LRP1B: variants seen among roughly 807,000 people sequenced by gnomAD.
LRP1B encodes the protein LDL receptor related protein 1B, also known as low-density lipoprotein receptor-related protein 1B.
A neutral mutation model predicts 556.6 loss-of-function variants in LRP1B; 217 were observed. The observed-to-expected ratio is 0.39, with a 90% CI of 0.35 to 0.44. The LOEUF (loss-of-function observed/expected upper bound fraction) is 0.44. LRP1B is among the 20% of genes least tolerant of loss of function. The pLI, the probability that LRP1B is intolerant of heterozygous loss-of-function variation, is 1.00. For synonymous variants in LRP1B, 2,047 were observed against 1,865.8 expected (o/e 1.10, Z -2.50); for missense variants, 5,053 against 5,620.8 (o/e 0.90, Z 3.23).
chr2:141,796,756 T>A (rs1473395980), intron 2 of LRP1B, among the ~76,000 whole-genome samples: 1 of 151,954 alleles, frequency 6.6e-6, no homozygotes, highest in African/African-American at 2.4e-5. Context: ...TAAAGCAGAT[T>A]CAAATATTTT....
chr2:140,960,501 A>T (rs1696002938), intron 18 of LRP1B, among the ~76,000 whole-genome samples: 1 of 151,782 alleles, frequency 6.6e-6, no homozygotes. Flanking sequence ...TAAAACTAGC[A>T]CATTTTAAAA....
intron 15 of LRP1B, among the ~76,000 whole-genome samples, chr2:140,999,299 C>A (rs1697343185): frequency 6.6e-6 from 1 of 152,004 alleles, no homozygotes; most frequent in South Asian, 2.1e-4. Flanking sequence ...CAAATAAGCA[C>A]TTATTTGTGT....
At chr2:142,103,582 T>C (rs1283321497) in intron 1 of LRP1B, among the ~76,000 whole-genome samples, 2 of 152,022 alleles carry the variant, frequency 1.3e-5, no homozygotes, top group Admixed American at 1.3e-4. Flanking sequence ...TAGTCACTTG[T>C]AATGTACAAA....
intron 66 of LRP1B, among the ~76,000 whole-genome samples, chr2:140,387,221 G>C (rs189383618): frequency 6.6e-6 from 1 of 152,216 alleles, no homozygotes; most frequent in African/African-American, 2.4e-5. Flanking sequence ...GAGTGGGTAG[G>C]TTATTGGTGG....
chr2:141,078,024 C>CT lies in LRP1B; in HGVS notation c.1014-15752dup, dbSNP rs983222190. ...AATGAAATTTGAGCCATTAAATTTC[C>CT]TTTTTTTTAAAGCTTATTTGGGTGA... On this transcript the variant is annotated intron_variant, in intron 7 of 90. Coordinates refer to ENST00000389484, the MANE Select transcript of LRP1B (RefSeq NM_018557.3). Among the ~76,000 whole-genome samples, 11 of 148,038 alleles carry CT rather than the reference C, an allele frequency of 7.4e-5. 1 individual carries two copies. The highest frequency in any genetic ancestry group is 2.1e-4 in the South Asian group (1 of 4,670).
Position 141,293,761 on chromosome 2 carries a change from T to A in LRP1B, c.344-39120A>T, listed in dbSNP as rs1686073974. Reference sequence around the variant, plus strand: ...TTTTTCAAAACTGAATTACTTGCCCTGTGACTAAGTAATCATCAATCTAAG... The same window carrying A: ...TTTTTCAAAACTGAATTACTTGCCCAGTGACTAAGTAATCATCAATCTAAG... On this transcript the variant is annotated intron_variant, in intron 3 of 90. Transcript: ENST00000389484. 2.0e-5 allele frequency among the ~76,000 whole-genome samples: 3 copies of A among 152,130 alleles called. No individual in the cohort carries two copies. The South Asian group carries it at 6.2e-4, about 31-fold the overall frequency.
intron 1 of LRP1B, among the ~76,000 whole-genome samples, chr2:141,996,718 C>CG (rs992146305): frequency 6.7e-6 from 1 of 149,330 alleles, no homozygotes; most frequent in Non-Finnish European, 1.5e-5. Context: ...TTCTTTCCCC[C>CG]CCCCTACAAA....
rs199895834 is a variant in LRP1B at position 140,669,810 on chromosome 2, G to A, written c.6799+30440C>T. On this transcript the variant is annotated intron_variant, in intron 41 of 90. Transcript: ENST00000389484. ...AAAATTGTTTAGATTGTTTCGAATC[G>A]TCCATGTCTTATACAATATTTCACT... 5.9e-5 allele frequency among the ~76,000 whole-genome samples: 9 copies of A among 152,026 alleles called. No homozygotes were observed. In the East Asian group the frequency reaches 7.7e-4, roughly 13 times the overall value.
chr2:140,620,653 T>C (rs1235270805), intron 41 of LRP1B, among the ~76,000 whole-genome samples: 1 of 152,066 alleles, frequency 6.6e-6, no homozygotes, highest in Admixed American at 6.6e-5. Flanking sequence ...GTAAAGTAAG[T>C]GTAAAGATCT....
At chr2:141,188,660 C>T in intron 6 of LRP1B, 77 bp from the exon 7 acceptor site, 1 of 1,306,812 alleles carries the variant, frequency 7.7e-7, no homozygotes. Context: ...ATAAGTGTTT[C>T]CAAACCATCA....
chr2:141,321,126 G>A (rs1397701125), intron 3 of LRP1B, among the ~76,000 whole-genome samples: 1 of 152,084 alleles, frequency 6.6e-6, no homozygotes, highest in African/African-American at 2.4e-5. Flanking sequence ...TGGCAGGCTA[G>A]CATTAAGAGC....
intron 1 of LRP1B, among the ~76,000 whole-genome samples, chr2:141,945,689 T>C (rs1700933127): frequency 6.6e-6 from 1 of 152,046 alleles, no homozygotes; most frequent in Admixed American, 6.6e-5. Flanking sequence ...ACAAATCATC[T>C]TAAATGCAAT....
intron 43 of LRP1B, 136 bp downstream of exon 43, chr2:140,598,495 G>T: frequency 1.5e-6 from 1 of 659,476 alleles, no homozygotes; most frequent in Non-Finnish European, 2.6e-6. Flanking sequence ...TGATAGATTA[G>T]TTATTCAATT....
intron 3 of LRP1B, among the ~76,000 whole-genome samples, chr2:141,311,152 T>C (rs759399133): frequency 6.6e-6 from 1 of 152,234 alleles, no homozygotes; most frequent in Non-Finnish European, 1.5e-5. Flanking sequence ...TGTTTATACA[T>C]ACAAAATGAA....
At chr2:140,901,964 T>G (rs1694117606) in intron 23 of LRP1B, among the ~76,000 whole-genome samples, 1 of 152,108 alleles carries the variant, frequency 6.6e-6, no homozygotes, top group African/African-American at 2.4e-5. Flanking sequence ...GTAGCGGGTT[T>G]CCAAGCCTGA....
At chr2:140,887,141 T>C (rs755604148) in intron 23 of LRP1B, among the ~76,000 whole-genome samples, 26 of 152,216 alleles carry the variant, frequency 1.7e-4, no homozygotes, top group Non-Finnish European at 3.4e-4. Context: ...TTGTTTTTGC[T>C]GTATGACATT....
intron 14 of LRP1B, among the ~76,000 whole-genome samples, chr2:141,011,215 A>C (rs533112979): frequency 1.3e-5 from 2 of 148,774 alleles, no homozygotes; most frequent in Non-Finnish European, 3.0e-5. Flanking sequence ...AAAAAAAAAA[A>C]CAGTCTAACA....
chr2:142,034,688 T>C (rs1703816919), intron 1 of LRP1B, among the ~76,000 whole-genome samples: 1 of 151,776 alleles, frequency 6.6e-6, no homozygotes, highest in Admixed American at 6.6e-5. Flanking sequence ...TCTCCATTGT[T>C]CAAACAAAAT....
rs1698773273 is a variant in LRP1B, at chr2:141,043,622, A to G, written c.1789+5364T>C. On this transcript the variant is annotated intron_variant, in intron 11 of 90. Transcript: ENST00000389484. ...TTCTTTTTAATACTTTAAAAATATG[A>G]AATGATATGAAAGGTTATTTTAACA... is the stretch of plus-strand genomic sequence containing the variant. Among the ~76,000 whole-genome samples, 3 of 151,998 alleles carry G rather than the reference A, an allele frequency of 2.0e-5. 1 individual carries two copies. The highest frequency in any genetic ancestry group is 4.4e-5 in the Non-Finnish European group (3 of 67,932).
Sources: allele counts gnomAD v4.1 joint callset (sites outside exome capture counted in the v4.1 genomes callset), GRCh38; gene constraint gnomAD v4.1.1; transcripts MANE v1.5; gene names NCBI Gene and HGNC (gene_info 2026-07-23, HGNC 2026-07-21).